FAM227B: variants seen among roughly 807,000 people sequenced by gnomAD.
The protein encoded by FAM227B is protein FAM227B.
In FAM227B, 88 loss-of-function variants were observed where a neutral mutation model predicts 73.8. The observed-to-expected ratio is 1.19, with a 90% CI of 1.00 to 1.42. The LOEUF (loss-of-function observed/expected upper bound fraction) is 1.42, where lower values mean the gene tolerates loss of function less well. FAM227B is among the 40% of genes most tolerant of loss of function. The pLI is 0.00. For missense variants in FAM227B, 632 were observed against 590.9 expected (o/e 1.07, Z -0.72); for synonymous variants, 210 against 190.5 (o/e 1.10, Z -0.84).
chr15:49,550,197 C>T (rs1343500758), intron 9 of FAM227B, among the ~76,000 whole-genome samples: 15 of 145,262 alleles, frequency 1.0e-4, no homozygotes, highest in South Asian at 6.6e-4. Flanking sequence ...GGTGGCTGGC[C>T]GGGCGGGGGG....
chr15:49,447,866 A>T (rs1462233955), intron 11 of FAM227B, among the ~76,000 whole-genome samples: 1 of 151,722 alleles, frequency 6.6e-6, no homozygotes, highest in African/African-American at 2.4e-5. Flanking sequence ...AATAAACAAT[A>T]GGTTTGACTT....
rs1449325729 is a variant in FAM227B at position 49,549,056 on chromosome 15, TTG to T, written c.748-7252_748-7251del. On this transcript the variant is annotated intron_variant, in intron 9 of 15. Coordinates refer to ENST00000299338, the MANE Select transcript of FAM227B (RefSeq NM_152647.3). ...TTCTTCTCCTAATTTTGGGTTTGGT[TTG>T]CTCTTGCTTTTCTAATTCTTTAAGA... 1.2e-4 allele frequency among the ~76,000 whole-genome samples: 19 copies of T among 152,212 alleles called. 1 individual carries two copies. The East Asian group carries it at 3.5e-3, about 28-fold the overall frequency.
At chr15:49,393,529 A>C (rs533538408) in intron 11 of FAM227B, among the ~76,000 whole-genome samples, 65 of 152,282 alleles carry the variant, frequency 4.3e-4, no homozygotes, top group African/African-American at 1.5e-3. Flanking sequence ...AATCTTCACC[A>C]CTAACAATAT....
At chr15:49,494,381 T>C (rs2057413819) in intron 11 of FAM227B, among the ~76,000 whole-genome samples, 1 of 152,084 alleles carries the variant, frequency 6.6e-6, no homozygotes, top group African/African-American at 2.4e-5. Flanking sequence ...TTTGTTTTTG[T>C]TGCAAACTTT....
At chr15:49,454,641 G>A (rs1454417708) in intron 11 of FAM227B, among the ~76,000 whole-genome samples, 2 of 151,918 alleles carry the variant, frequency 1.3e-5, no homozygotes, top group Admixed American at 6.6e-5. Flanking sequence ...ACGAAGTCTC[G>A]CTCTGTCACA....
At chr15:49,545,334 C>A (rs910468088) in intron 9 of FAM227B, among the ~76,000 whole-genome samples, 2 of 152,034 alleles carry the variant, frequency 1.3e-5, no homozygotes, top group African/African-American at 4.8e-5. Flanking sequence ...TCTGTGGTAT[C>A]GGTTGTAATG....
Position 49,328,019 on chromosome 15 carries a change from C to T in FAM227B, c.*549G>A. The stretch of plus-strand genomic sequence containing the variant: ...GGGAGGCTGCACAGTATCAATGGTA[C>T]CTGCGGACAAGCTGCCCAGCTTTCT... On this transcript the variant is annotated 3_prime_UTR_variant, in exon 16 of 16. Coordinates refer to ENST00000299338, the MANE Select transcript of FAM227B (RefSeq NM_152647.3). 1 of 1,613,900 alleles carries T rather than the reference C, an allele frequency of 6.2e-7. No homozygotes were observed. The highest frequency in any genetic ancestry group is 8.5e-7 in the Non-Finnish European group (1 of 1,179,844).
At position 49,331,815 on chromosome 15, in the gene FAM227B, C is replaced by G; in HGVS notation, c.1384G>C (p.Val462Leu). The change falls in exon 15 of 16, where the codon GTG becomes CTG. Residue 462 changes from valine to leucine, a missense_variant. Transcript: ENST00000299338. ...AGGAACTTCTCAAAGTCCTGTTTCA[C>G]TTCATGAGGTTTCTTGGTAGCCTTT... ...QAKATKKPHE[V>L]KQDFEKFLHK... The G allele has an allele frequency of 6.2e-7, 1 of 1,611,832 alleles. No individual in the cohort carries two copies. Among genetic ancestry groups the G allele is most frequent in the Non-Finnish European group, 8.5e-7 (1 of 1,178,036 alleles).
At chr15:49,471,845 C>G (rs1274168680) in intron 11 of FAM227B, among the ~76,000 whole-genome samples, 1 of 151,970 alleles carries the variant, frequency 6.6e-6, no homozygotes, top group Non-Finnish European at 1.5e-5. Flanking sequence ...AAAGGGCAGC[C>G]AGAAAAGACG....
rs1233526399 is a variant in FAM227B, at chr15:49,399,211, C to G, written c.1013-27812G>C. Among the ~76,000 whole-genome samples, 792 of 136,382 alleles carry G rather than the reference C, an allele frequency of 5.8e-3. 7 individuals are homozygous for G. The highest frequency in any genetic ancestry group is 0.021 in the African/African-American group (743 of 36,052). 89.5% of individuals were successfully genotyped at this position (136,382 alleles called of 152,430 possible). A position where few individuals can be genotyped will look rare whatever the true frequency, so the allele number is the denominator to read the frequency against. On this transcript the variant is annotated intron_variant, in intron 11 of 15. Transcript: ENST00000299338. ...AAATACAAACTACCATCAGAGAATA[C>G]TACAAACACCTCTATGCAAATAAAC...
chr15:49,418,844 T>C (rs2049398711), intron 11 of FAM227B, among the ~76,000 whole-genome samples: 1 of 152,052 alleles, frequency 6.6e-6, no homozygotes, highest in African/African-American at 2.4e-5. Flanking sequence ...AAGAATAACA[T>C]ATAAATTTAT....
At chr15:49,598,997 G>A (rs2077039681) in intron 3 of FAM227B, among the ~76,000 whole-genome samples, 1 of 151,952 alleles carries the variant, frequency 6.6e-6, no homozygotes, top group Admixed American at 6.6e-5. Context: ...CTATTTTTCA[G>A]AAGAGTCTGA....
At position 49,525,700 on chromosome 15, in the gene FAM227B, A is replaced by G. The variant is rs1338935248; in HGVS notation, c.874+15980T>C. On this transcript the variant is annotated intron_variant, in intron 10 of 15. Coordinates refer to ENST00000299338, the MANE Select transcript of FAM227B (RefSeq NM_152647.3). ...TATATATATATATATATATATATAT[A>G]TATATATATATATATATATCACAAA... Among the ~76,000 whole-genome samples the G allele has an allele frequency of 1.2e-3, 83 of 68,988 alleles. 1 individual carries two copies. The highest frequency in any genetic ancestry group is 0.013 in the Middle Eastern group (2 of 152). 45.3% of individuals were successfully genotyped at this position (68,988 alleles called of 152,430 possible). A position where few individuals can be genotyped will look rare whatever the true frequency, so the allele number is the denominator to read the frequency against.
intron 11 of FAM227B, among the ~76,000 whole-genome samples, chr15:49,495,403 G>A (rs1192111293): frequency 6.6e-6 from 1 of 152,104 alleles, no homozygotes; most frequent in African/African-American, 2.4e-5. Context: ...GCTACTCTGT[G>A]CCTTATGTTA....
chr15:49,482,125 A>T (rs1472202336), intron 11 of FAM227B, among the ~76,000 whole-genome samples: 4 of 152,168 alleles, frequency 2.6e-5, no homozygotes, highest in Non-Finnish European at 5.9e-5. Flanking sequence ...TGTTAGACAT[A>T]GGTAAAAGAA....
chr15:49,433,261 T>C (rs983389192), intron 11 of FAM227B, among the ~76,000 whole-genome samples: 5 of 151,696 alleles, frequency 3.3e-5, no homozygotes, highest in African/African-American at 9.7e-5. Flanking sequence ...CCTTGTCTTA[T>C]GATTCTTTCT....
chr15:49,560,649 A>T (rs1023018699), intron 9 of FAM227B, among the ~76,000 whole-genome samples: 1 of 152,194 alleles, frequency 6.6e-6, no homozygotes, highest in Non-Finnish European at 1.5e-5. Flanking sequence ...TTATGTATGA[A>T]GGGAATCTCA....
rs940312685 is a variant in FAM227B, at chr15:49,568,305, T to C, written c.687A>G (p.Ser229=). 1 of 1,611,424 alleles carries C rather than the reference T, an allele frequency of 6.2e-7. No homozygotes were observed. Among genetic ancestry groups the C allele is most frequent in the East Asian group, 2.2e-5 (1 of 44,766 alleles). Residue 229 remains serine (S), a synonymous_variant, in exon 9 of 16, where the codon TCA becomes TCG. Coordinates refer to ENST00000299338, the MANE Select transcript of FAM227B (RefSeq NM_152647.3). ...ENQDCLFDRI[S]ESYVTLFMSI... ...TCATGAAAAGTGTCACATAACTTTC[T>C]GAAATTCTATCGAATAAGCAATCTT...
rs772668611 is a variant in FAM227B, at chr15:49,605,113, C to G, written c.105+6102G>C. 2.6e-5 allele frequency among the ~76,000 whole-genome samples: 4 copies of G among 152,234 alleles called. No individual in the cohort carries two copies. In the East Asian group the frequency reaches 7.7e-4, roughly 29 times the overall value. The stretch of plus-strand genomic sequence containing the variant: ...TTCCCTGACTGCCTTGTTTTGATGT[C>G]TGCACATCTGAAGAACAGGCGCCTC... On this transcript the variant is annotated intron_variant, in intron 3 of 15. Coordinates refer to ENST00000299338, the MANE Select transcript of FAM227B (RefSeq NM_152647.3).
Sources: gnomAD v4.1 joint callset for allele counts (sites outside exome capture counted in the v4.1 genomes callset) on GRCh38, gnomAD v4.1.1 for gene constraint, MANE v1.5 for transcripts, NCBI Gene and HGNC (gene_info 2026-07-23, HGNC 2026-07-21) for gene names.